SPATA13: variants seen among roughly 807,000 people sequenced by gnomAD.
The protein encoded by SPATA13 is spermatogenesis associated 13.
A neutral mutation model predicts 104.0 loss-of-function variants in SPATA13; 50 were observed. The ratio of observed to expected loss-of-function variants is 0.48; its 90% confidence interval spans 0.38 to 0.61. The LOEUF (loss-of-function observed/expected upper bound fraction) is 0.61. Among genes scored for constraint, SPATA13 ranks in the 20% least tolerant of loss-of-function variants. The pLI is 0.00. For synonymous variants in SPATA13, 606 were observed against 667.5 expected, an observed-to-expected ratio of 0.91 and a Z score of 1.42; for missense variants, 1,524 against 1,690.6, an observed-to-expected ratio of 0.90 and a Z score of 1.73.
intron 3 of SPATA13, among the ~76,000 whole-genome samples, chr13:24,104,902 CT>C (rs1402355899): frequency 6.6e-6 from 1 of 152,198 alleles, no homozygotes; most frequent in East Asian, 1.9e-4. Flanking sequence ...TTTCACACAC[CT>C]GTGCTTTGTG....
chr13:24,118,126 C>CTGGAA (rs1364880768), intron 3 of SPATA13, among the ~76,000 whole-genome samples: 1 of 152,152 alleles, frequency 6.6e-6, no homozygotes, highest in African/African-American at 2.4e-5. Flanking sequence ...ATGAGGAAAT[C>CTGGAA]TGGAACAGCA....
chr13:24,031,089 G>T lies in SPATA13; in HGVS notation c.-112+13388G>T, dbSNP rs555015062. Reference sequence around the variant, plus strand: ...CTTCTCCCATTCAAAGTAGCAAATGGTTTTAAAGCTTATTTTAATTTATTT... The same window carrying T: ...CTTCTCCCATTCAAAGTAGCAAATGTTTTTAAAGCTTATTTTAATTTATTT... On this transcript the variant is annotated intron_variant, in intron 3 of 14. Transcript: ENST00000424834. 2.0e-5 allele frequency among the ~76,000 whole-genome samples: 3 copies of T among 152,254 alleles called. No homozygotes were observed. The South Asian group carries it at 6.2e-4, about 32-fold the overall frequency.
chr13:24,137,534 A>G (rs1593353736), intron 3 of SPATA13, among the ~76,000 whole-genome samples: 2 of 152,154 alleles, frequency 1.3e-5, no homozygotes, highest in Admixed American at 1.3e-4. Context: ...CTGAGGCGGG[A>G]GGATCACTTG....
intron 1 of SPATA13, among the ~76,000 whole-genome samples, chr13:24,198,229 G>A (rs7339148): frequency 0.31 from 47,513 of 151,830 alleles, 7,704 homozygotes; most frequent in East Asian, 0.49. Flanking sequence ...TCCTGACCTT[G>A]TGATCTGCCC....
At chr13:24,028,487 G>C (rs955741065) in intron 3 of SPATA13, among the ~76,000 whole-genome samples, 4 of 152,144 alleles carry the variant, frequency 2.6e-5, no homozygotes, top group African/African-American at 9.7e-5. Flanking sequence ...ATGTCAGCTG[G>C]TGTCTAATTA....
intron 2 of SPATA13, among the ~76,000 whole-genome samples, chr13:24,242,187 G>A (rs1872876568): frequency 6.6e-6 from 1 of 152,170 alleles, no homozygotes; most frequent in African/African-American, 2.4e-5. Flanking sequence ...TAGGGGAAGA[G>A]GGCCTAGGCA....
chr13:24,083,854 C>G (rs553256368), intron 3 of SPATA13, among the ~76,000 whole-genome samples: 1 of 152,306 alleles, frequency 6.6e-6, no homozygotes, highest in East Asian at 1.9e-4. Flanking sequence ...TCCCTTGTCA[C>G]TGGGGGAAAA....
chr13:24,053,353 A>G (rs1434380333), intron 3 of SPATA13, among the ~76,000 whole-genome samples: 1 of 152,184 alleles, frequency 6.6e-6, no homozygotes, highest in East Asian at 1.9e-4. Flanking sequence ...AGGCCGCTAA[A>G]ACTTCTCAAC....
At chr13:24,066,640 A>G (rs1487545219) in intron 3 of SPATA13, among the ~76,000 whole-genome samples, 3 of 152,116 alleles carry the variant, frequency 2.0e-5, no homozygotes, top group Non-Finnish European at 4.4e-5. Flanking sequence ...CTTTCATGCC[A>G]GCCCCTGCCT....
intron 3 of SPATA13, among the ~76,000 whole-genome samples, chr13:24,102,536 G>A (rs552400784): frequency 1.1e-4 from 17 of 147,886 alleles, no homozygotes; most frequent in South Asian, 2.1e-4. Flanking sequence ...GTGCAGTGGC[G>A]CAATCTTGGC....
intron 1 of SPATA13, among the ~76,000 whole-genome samples, chr13:24,191,938 G>C (rs963716086): frequency 5.3e-5 from 8 of 152,084 alleles, no homozygotes; most frequent in African/African-American, 2.4e-5. Flanking sequence ...TTAGGCCTGC[G>C]TACACATTGA....
intron 3 of SPATA13, among the ~76,000 whole-genome samples, chr13:24,061,458 G>A (rs115823725): frequency 0.012 from 1,809 of 152,186 alleles, 50 homozygotes; most frequent in African/African-American, 0.042. Flanking sequence ...CAGAGACATG[G>A]AATCAATCTA....
At chr13:24,068,599 T>C (rs1425521596) in intron 3 of SPATA13, among the ~76,000 whole-genome samples, 1 of 152,234 alleles carries the variant, frequency 6.6e-6, no homozygotes, top group African/African-American at 2.4e-5. Flanking sequence ...TCACTGACAG[T>C]GTATAAGCAT....
chr13:24,184,876 G>A (rs2138531013), intron 1 of SPATA13, among the ~76,000 whole-genome samples: 1 of 152,226 alleles, frequency 6.6e-6, no homozygotes, highest in Admixed American at 6.5e-5. Flanking sequence ...AAAATCCATT[G>A]TTTTCCTGTT....
At chr13:24,162,226 T>A (rs1397238866) in intron 1 of SPATA13, among the ~76,000 whole-genome samples, 1 of 152,270 alleles carries the variant, frequency 6.6e-6, no homozygotes. Context: ...TCCTTATTTG[T>A]GCTCCCGTGC....
intron 3 of SPATA13, among the ~76,000 whole-genome samples, chr13:24,113,887 A>G (rs191718972): frequency 1.6e-4 from 24 of 150,376 alleles, no homozygotes; most frequent in Admixed American, 2.6e-4. Context: ...AAAAAAAAAA[A>G]AAAGAAAGAA....
chr13:24,212,006 C>T (rs1046536011), intron 1 of SPATA13, among the ~76,000 whole-genome samples: 7 of 152,306 alleles, frequency 4.6e-5, no homozygotes, highest in East Asian at 3.9e-4. Context: ...ATCAGCTGTT[C>T]GCCATTCCCC....
chr13:24,017,721 C>T (rs148271271), intron 3 of SPATA13: 1 of 984,864 alleles, frequency 1.0e-6, no homozygotes, highest in Non-Finnish European at 1.2e-6. Flanking sequence ...GCCTCGAGTC[C>T]GTTCTTCCCT....
At chr13:24,291,547 C>G (rs17080598) in intron 9 of SPATA13, among the ~76,000 whole-genome samples, 1 of 152,074 alleles carries the variant, frequency 6.6e-6, no homozygotes, top group Non-Finnish European at 1.5e-5. Flanking sequence ...ACCGGGGTGC[C>G]GACTCTCTGG....
Sources: allele counts gnomAD v4.1 joint callset (sites outside exome capture counted in the v4.1 genomes callset), GRCh38; gene constraint gnomAD v4.1.1; transcripts MANE v1.5; gene names NCBI Gene and HGNC (gene_info 2026-07-23, HGNC 2026-07-21).